PTPRK: variants seen among roughly 807,000 people sequenced by gnomAD.
The protein encoded by PTPRK is protein tyrosine phosphatase receptor type K.
A neutral mutation model predicts 178.0 loss-of-function variants in PTPRK; 75 were observed. The observed-to-expected ratio is 0.42, with a 90% CI of 0.35 to 0.51. PTPRK has a LOEUF of 0.51. Ranked by LOEUF, PTPRK falls within the 20% of genes least tolerant of loss-of-function variation. PTPRK has a pLI of 0.02. For synonymous variants in PTPRK, 637 were observed against 620.6 expected (o/e 1.03, Z -0.39); for missense variants, 1,441 against 1,797.8 (o/e 0.80, Z 3.59).
At chr6:128,415,470 T>C (rs1194494851) in intron 1 of PTPRK, among the ~76,000 whole-genome samples, 1 of 149,196 alleles carries the variant, frequency 6.7e-6, no homozygotes, top group Admixed American at 6.7e-5. Context: ...CTATTTTCAG[T>C]GGTGAAAAAC....
chr6:128,412,159 T>C (rs1203557381), intron 1 of PTPRK, among the ~76,000 whole-genome samples: 1 of 152,202 alleles, frequency 6.6e-6, no homozygotes, highest in East Asian at 1.9e-4. Context: ...AATTTGCTGG[T>C]AAATTAATAT....
chr6:127,990,700 T>C, intron 21 of PTPRK, 69 bp downstream of exon 21: 1 of 999,920 alleles, frequency 1.0e-6, no homozygotes, highest in South Asian at 1.4e-5. Context: ...AAAACAGAAC[T>C]TGGCAAAGAT....
rs753214445 is a variant in PTPRK, at chr6:127,977,045, G to T, written c.3721C>A (p.Gln1241Lys). 1 of 1,613,968 alleles carries T rather than the reference G, an allele frequency of 6.2e-7. No homozygotes were observed. The highest frequency in any genetic ancestry group is 8.5e-7 in the Non-Finnish European group (1 of 1,179,880). Reference protein sequence around the residue: ...INAALMDSYRQPAAFIVTQYP... With the variant: ...INAALMDSYRKPAAFIVTQYP... ...TGTGTGACGATGAAAGCAGCTGGTT[G>T]CCTGTAGCTCTGTGAAGAAACAAGG... The change falls in exon 26 of 30, where the codon CAA becomes AAA. Residue 1241 changes from glutamine to lysine, a missense_variant. This residue lies in a region of PTPRK where 335 missense variants were observed against 512.4 expected (regional missense o/e 0.65). Coordinates refer to ENST00000368226, the MANE Select transcript of PTPRK (RefSeq NM_002844.4).
intron 1 of PTPRK, among the ~76,000 whole-genome samples, chr6:128,446,459 T>G (rs979276207): frequency 7.9e-5 from 12 of 152,202 alleles, no homozygotes; most frequent in African/African-American, 2.7e-4. Flanking sequence ...TCATTCTCAC[T>G]TCAAAATGTA....
intron 7 of PTPRK, among the ~76,000 whole-genome samples, chr6:128,123,816 G>T (rs535645262): frequency 6.0e-4 from 91 of 152,170 alleles, no homozygotes; most frequent in African/African-American, 2.1e-3. Flanking sequence ...TCTGCAGAAT[G>T]TCCCTCCATT....
intron 3 of PTPRK, among the ~76,000 whole-genome samples, chr6:128,311,265 A>C (rs751711087): frequency 2.0e-5 from 3 of 152,170 alleles, no homozygotes; most frequent in Non-Finnish European, 4.4e-5. Flanking sequence ...ATGGGGCTTG[A>C]ATCGTACAGT....
In PTPRK at chr6:128,090,667, T is replaced by C. The variant is rs532620245; in HGVS notation, c.1163-675A>G. On this transcript the variant is annotated intron_variant, in intron 7 of 29. Transcript: ENST00000368226. Reference sequence around the variant, plus strand: ...ACCAAACTGGGAGGTGAATTTTCCATTCAACTGGAAAATACTGGCAGAACT... The same window carrying C: ...ACCAAACTGGGAGGTGAATTTTCCACTCAACTGGAAAATACTGGCAGAACT... Among the ~76,000 whole-genome samples the C allele has an allele frequency of 5.9e-5, 9 of 152,280 alleles. No individual in the cohort carries two copies. In the South Asian group the frequency reaches 1.9e-3, roughly 32 times the overall value.
At position 127,992,836 on chromosome 6, in the gene PTPRK, G is replaced by A. The variant is rs191207655; in HGVS notation, c.2845-127C>T. On this transcript the variant is annotated intron_variant, in intron 18 of 29. Coordinates refer to ENST00000368226, the MANE Select transcript of PTPRK (RefSeq NM_002844.4). ...ATAATAAAAAGTCCAGAAATGAGTA[G>A]TGAACACATAGTTCACTTCTCAAAC... 1,468 of 673,566 alleles carry A rather than the reference G, an allele frequency of 2.2e-3. 7 individuals are homozygous for A. Among genetic ancestry groups the A allele is most frequent in the Non-Finnish European group, 2.9e-3 (1,169 of 405,924 alleles). 41.7% of individuals were successfully genotyped at this position (673,566 alleles called of 1,614,324 possible). A position where few individuals can be genotyped will look rare whatever the true frequency, so the allele number is the denominator to read the frequency against.
At chr6:128,402,307 G>C (rs1449740070) in intron 1 of PTPRK, among the ~76,000 whole-genome samples, 3 of 152,162 alleles carry the variant, frequency 2.0e-5, no homozygotes, top group African/African-American at 7.2e-5. Context: ...GCCCAGGCTA[G>C]AGTGCAGTGG....
chr6:128,272,137 GA>G, intron 3 of PTPRK, among the ~76,000 whole-genome samples: 2 of 152,150 alleles, frequency 1.3e-5, no homozygotes, highest in African/African-American at 2.4e-5. Context: ...AATGGTGCTG[GA>G]AAAACTGGCT....
chr6:128,134,756 A>T (rs1365344445), intron 7 of PTPRK, among the ~76,000 whole-genome samples: 1 of 152,130 alleles, frequency 6.6e-6, no homozygotes, highest in Non-Finnish European at 1.5e-5. Flanking sequence ...GGCTGCAGTG[A>T]TTGTACCACT....
intron 1 of PTPRK, among the ~76,000 whole-genome samples, chr6:128,461,598 T>C (rs1041259980): frequency 2.0e-5 from 3 of 152,222 alleles, no homozygotes; most frequent in Non-Finnish European, 2.9e-5. Context: ...TTGTTTTAAC[T>C]GCTGTTAAGA....
At chr6:128,076,918 ACAATACCTT>A (rs1218740595) in intron 11 of PTPRK, among the ~76,000 whole-genome samples, 1 of 152,070 alleles carries the variant, frequency 6.6e-6, no homozygotes, top group East Asian at 1.9e-4. Context: ...TCTTTGATTT[ACAATACCTT>A]GCACAGTGAC....
Position 127,985,818 on chromosome 6 carries a change from G to A in PTPRK, c.3154C>T (p.His1052Tyr). The part of the protein sequence containing the change: ...KQFHFTGWPD[H>Y]GVPYHATGLL... ...CCTGTAGCATGGTAGGGCACTCCAT[G>A]GTCAGGCCAGCCCGTGAAATGGAAC... The change falls in exon 22 of 30, where the codon CAT becomes TAT. Residue 1052 changes from histidine to tyrosine, a missense_variant. Physicochemically the swap from His to Tyr is moderately conservative, Grantham distance 83. Around this residue, in one of 4 missense-constraint regions of PTPRK, gnomAD observed 335 missense variants for 512.4 expected, o/e 0.65. Transcript: ENST00000368226. 6.2e-7 allele frequency: 1 copy of A among 1,613,836 alleles called. No individual in the cohort carries two copies. The highest frequency in any genetic ancestry group is 8.5e-7 in the Non-Finnish European group (1 of 1,179,862).
chr6:128,163,386 C>T (rs1454988010), intron 7 of PTPRK, among the ~76,000 whole-genome samples: 1 of 150,996 alleles, frequency 6.6e-6, no homozygotes, highest in Non-Finnish European at 1.5e-5. Context: ...TCTTCCAAAG[C>T]CTAAAACATG....
chr6:128,337,858 G>T (rs1279560605), intron 2 of PTPRK, among the ~76,000 whole-genome samples: 1 of 152,118 alleles, frequency 6.6e-6, no homozygotes, highest in East Asian at 1.9e-4. Context: ...CCTGAAGAAT[G>T]AAAGAGAGTT....
intron 1 of PTPRK, among the ~76,000 whole-genome samples, chr6:128,427,919 C>T (rs1275983465): frequency 6.6e-6 from 1 of 152,062 alleles, no homozygotes; most frequent in Non-Finnish European, 1.5e-5. Flanking sequence ...GGTAAAACCT[C>T]GTCTCTACTA....
chr6:128,020,334 A>T (rs1333661887), intron 13 of PTPRK, among the ~76,000 whole-genome samples: 1 of 152,182 alleles, frequency 6.6e-6, no homozygotes, highest in Non-Finnish European at 1.5e-5. Flanking sequence ...TAGTGTTTAT[A>T]GCAAAGTAAG....
intron 5 of PTPRK, among the ~76,000 whole-genome samples, chr6:128,228,735 A>C (rs1010139616): frequency 3.4e-4 from 51 of 152,040 alleles, no homozygotes; most frequent in African/African-American, 1.2e-3. Flanking sequence ...TAAACTACAT[A>C]ATGAAAGAAA....
Sources: allele counts gnomAD v4.1 joint callset (sites outside exome capture counted in the v4.1 genomes callset), GRCh38; gene constraint gnomAD v4.1.1; regional missense constraint gnomAD v4.1.1; transcripts MANE v1.5; gene names NCBI Gene and HGNC (gene_info 2026-07-23, HGNC 2026-07-21).